Variants in HECTD2 observed in about 807,000 individuals in gnomAD.
The protein encoded by HECTD2 is HECT domain E3 ubiquitin protein ligase 2, also known as probable E3 ubiquitin-protein ligase HECTD2.
Under a neutral mutation model 103.2 loss-of-function variants are expected in HECTD2, and 35 were observed. The ratio of observed to expected loss-of-function variants is 0.34; its 90% CI spans 0.26 to 0.45. The LOEUF (loss-of-function observed/expected upper bound fraction) is 0.45. Among genes scored for constraint, HECTD2 ranks in the 20% least tolerant of loss-of-function variants. HECTD2 has a pLI of 1.00. For missense variants in HECTD2, 596 were observed against 937.4 expected, an observed-to-expected ratio of 0.64 and a Z score of 4.76; for synonymous variants, 281 against 329.9, an observed-to-expected ratio of 0.85 and a Z score of 1.61.
intron 20 of HECTD2, among the ~76,000 whole-genome samples, chr10:91,509,499 A>G (rs1380529990): frequency 6.6e-6 from 1 of 152,172 alleles, no homozygotes; most frequent in Non-Finnish European, 1.5e-5. Flanking sequence ...ATAAAGACAC[A>G]TGCATGCATA....
intron 15 of HECTD2, 132 bp downstream of exon 15, chr10:91,496,504 T>C: frequency 3.2e-6 from 2 of 623,148 alleles, no homozygotes; most frequent in Non-Finnish European, 5.2e-6. Context: ...TCATCTCCTT[T>C]TTTCATCTAG....
intron 11 of HECTD2, 111 bp from the exon 12 acceptor site, chr10:91,491,089 T>C (rs1233252850): frequency 3.8e-6 from 2 of 525,648 alleles, no homozygotes; most frequent in Non-Finnish European, 6.8e-6. Flanking sequence ...AAATTGTTTA[T>C]ATAAGAAATG....
At position 91,476,165 on chromosome 10, in the gene HECTD2, A is replaced by G. The variant is rs187552046; in HGVS notation, c.601-2036A>G. Among the ~76,000 whole-genome samples, 23 of 152,314 alleles carry G rather than the reference A, an allele frequency of 1.5e-4. No individual in the cohort carries two copies. The East Asian group carries it at 2.5e-3, about 17-fold the overall frequency. The stretch of plus-strand genomic sequence containing the variant: ...GAGAAACGGATGATACAGGAGAGAT[A>G]AGGAAAAACTTTAATAACCATGTCC... On this transcript the variant is annotated intron_variant, in intron 5 of 20. Transcript: ENST00000298068.
rs1256495196 is a variant in HECTD2, at chr10:91,410,477, G to T, written c.39G>T (p.Pro13=). The change falls in exon 1 of 21, where the codon CCG becomes CCT. Residue 13 remains proline, a synonymous_variant. Transcript: ENST00000298068. ...EAVRVPSPAT[P]LVVAAPAPEE... ...TTCGGGTACCCTCGCCCGCCACTCC[G>T]CTGGTGGTGGCGGCGCCCGCGCCTG... 1 of 1,467,280 alleles carries T rather than the reference G, an allele frequency of 6.8e-7. No individual in the cohort carries two copies. The highest frequency in any genetic ancestry group is 9.0e-7 in the Non-Finnish European group (1 of 1,113,664). The allele number at this position is 1,467,280 out of a possible 1,614,324, so 90.9% of individuals were successfully genotyped here.
At chr10:91,503,634 G>A (rs1391162536) in intron 20 of HECTD2, among the ~76,000 whole-genome samples, 2 of 152,132 alleles carry the variant, frequency 1.3e-5, no homozygotes, top group South Asian at 2.1e-4. Flanking sequence ...CCTACCCCAC[G>A]GAGTCTCGCT....
chr10:91,432,116 G>C (rs1162470850), intron 2 of HECTD2, among the ~76,000 whole-genome samples: 1 of 151,924 alleles, frequency 6.6e-6, no homozygotes, highest in Non-Finnish European at 1.5e-5. Context: ...TTATTGAATA[G>C]AAAGTTAGGC....
intron 2 of HECTD2, among the ~76,000 whole-genome samples, chr10:91,438,035 C>T (rs1456676311): frequency 6.6e-6 from 1 of 151,890 alleles, no homozygotes; most frequent in Non-Finnish European, 1.5e-5. Flanking sequence ...CCATTCCCCT[C>T]AGGTAGACCT....
chr10:91,507,718 T>C (rs1847247367), intron 20 of HECTD2, among the ~76,000 whole-genome samples: 1 of 141,294 alleles, frequency 7.1e-6, no homozygotes, highest in East Asian at 2.1e-4. Context: ...ACAGATTCAA[T>C]GCCATCCCCA....
chr10:91,477,097 C>T (rs1355871287), intron 5 of HECTD2, among the ~76,000 whole-genome samples: 1 of 151,126 alleles, frequency 6.6e-6, no homozygotes, highest in Non-Finnish European at 1.5e-5. Flanking sequence ...AGGAGAATGG[C>T]GTGAACCCGG....
Position 91,500,632 on chromosome 10 carries a change from C to T in HECTD2, c.2066+15C>T. On this transcript the variant is annotated intron_variant, in intron 19 of 20. Transcript: ENST00000298068. ...TTAACTATAAAGTGAGCTCTTTATA[C>T]TTCTGATAGTGGGGGATGTGGAGAG... 1 of 1,178,594 alleles carries T rather than the reference C, an allele frequency of 8.5e-7. No individual in the cohort carries two copies. The highest frequency in any genetic ancestry group is 1.2e-5 in the South Asian group (1 of 81,770). 73.0% of individuals were successfully genotyped at this position (1,178,594 alleles called of 1,614,324 possible). A position where few individuals can be genotyped will look rare whatever the true frequency, so the allele number is the denominator to read the frequency against.
chr10:91,476,506 T>C (rs7894248), intron 5 of HECTD2, among the ~76,000 whole-genome samples: 30,510 of 152,128 alleles, frequency 0.2, 7,264 homozygotes, highest in African/African-American at 0.58. Context: ...CTAAGAAGCC[T>C]CTAGGCTTCT....
chr10:91,414,735 C>G (rs979621118), intron 1 of HECTD2, among the ~76,000 whole-genome samples: 1 of 152,114 alleles, frequency 6.6e-6, no homozygotes, highest in African/African-American at 2.4e-5. Context: ...CAAAGTAATC[C>G]AGTGACGAAA....
intron 2 of HECTD2, among the ~76,000 whole-genome samples, chr10:91,429,290 T>C (rs916532796): frequency 2.6e-5 from 4 of 152,200 alleles, no homozygotes; most frequent in Non-Finnish European, 5.9e-5. Context: ...CAGTATTTTA[T>C]TGAGGATTTT....
At chr10:91,437,972 A>G (rs1231151339) in intron 2 of HECTD2, among the ~76,000 whole-genome samples, 1 of 152,086 alleles carries the variant, frequency 6.6e-6, no homozygotes, top group African/African-American at 2.4e-5. Context: ...ACAATTTATT[A>G]GAGCATAATT....
intron 2 of HECTD2, among the ~76,000 whole-genome samples, chr10:91,436,966 G>A (rs182694490): frequency 5.9e-5 from 9 of 151,948 alleles, no homozygotes; most frequent in Admixed American, 1.3e-4. Context: ...GTGGAATTTC[G>A]GGAGGAATTA....
intron 2 of HECTD2, among the ~76,000 whole-genome samples, chr10:91,456,846 A>G (rs1231514490): frequency 6.6e-6 from 1 of 152,140 alleles, no homozygotes; most frequent in Non-Finnish European, 1.5e-5. Context: ...GAAGGAGGAA[A>G]TATAAAATCA....
chr10:91,498,349 A>G (rs1418377283), intron 16 of HECTD2, among the ~76,000 whole-genome samples, 167 bp downstream of exon 16: 1 of 150,380 alleles, frequency 6.6e-6, no homozygotes, highest in East Asian at 2.0e-4. Context: ...TGTGTAGATG[A>G]GCAGTCAATG....
chr10:91,426,017 T>C (rs759001513), intron 2 of HECTD2, among the ~76,000 whole-genome samples: 2 of 152,024 alleles, frequency 1.3e-5, no homozygotes, highest in African/African-American at 2.4e-5. Context: ...TTAAGAAGAA[T>C]ATGATATGTA....
chr10:91,429,731 T>A (rs1387398572), intron 2 of HECTD2, among the ~76,000 whole-genome samples: 1 of 152,182 alleles, frequency 6.6e-6, no homozygotes, highest in African/African-American at 2.4e-5. Flanking sequence ...GATATCCCCT[T>A]TATCATTTTT....
Sources: gnomAD v4.1 joint callset for allele counts (sites outside exome capture counted in the v4.1 genomes callset) on GRCh38, gnomAD v4.1.1 for gene constraint, MANE v1.5 for transcripts, NCBI Gene and HGNC (gene_info 2026-07-23, HGNC 2026-07-21) for gene names.